The following DNMBP variants were observed in gnomAD, a reference collection of about 807,000 sequenced individuals.
The protein encoded by DNMBP is dynamin-binding protein.
A neutral mutation model predicts 150.0 loss-of-function variants in DNMBP; 87 were observed. That is an observed-to-expected ratio of 0.58 (90% CI 0.49 to 0.69). The LOEUF is 0.69. DNMBP is among the 30% of genes least tolerant of loss of function. The probability of loss-of-function intolerance (pLI) is 0.00; values close to 1 mark genes in which losing one functional copy is unlikely to be tolerated. For missense variants in DNMBP, 1,774 were observed against 1,949.0 expected, an observed-to-expected ratio of 0.91 and a Z score of 1.69; for synonymous variants, 711 against 750.4, an observed-to-expected ratio of 0.95 and a Z score of 0.86.
At chr10:99,961,929 T>C (rs983421721) in intron 3 of DNMBP, among the ~76,000 whole-genome samples, 2 of 149,912 alleles carry the variant, frequency 1.3e-5, no homozygotes, top group Non-Finnish European at 3.0e-5. Flanking sequence ...CTTCTCCAAC[T>C]ATCCAATATT....
intron 4 of DNMBP, 89 bp downstream of exon 4, chr10:99,955,124 TG>T (rs2040469453): frequency 9.3e-7 from 1 of 1,077,280 alleles, no homozygotes; most frequent in Non-Finnish European, 1.4e-6. Flanking sequence ...CCATCGAGGA[TG>T]GTAACATATC....
chr10:99,924,830 G>A (rs1323710142), intron 4 of DNMBP, among the ~76,000 whole-genome samples: 1 of 152,168 alleles, frequency 6.6e-6, no homozygotes, highest in African/African-American at 2.4e-5. Flanking sequence ...GTACTACTTC[G>A]CAAAAGTGCC....
At chr10:99,915,753 G>C (rs1319394004) in intron 4 of DNMBP, among the ~76,000 whole-genome samples, 1 of 152,188 alleles carries the variant, frequency 6.6e-6, no homozygotes. Context: ...GGCACTATGT[G>C]TGTCATGCAC....
At chr10:99,902,017 C>G (rs2039748241) in intron 6 of DNMBP, among the ~76,000 whole-genome samples, 1 of 151,988 alleles carries the variant, frequency 6.6e-6, no homozygotes, top group South Asian at 2.1e-4. Flanking sequence ...ATCCTCCGAC[C>G]TCAGCCTCCT....
chr10:99,915,383 A>C (rs1304020712), intron 4 of DNMBP, among the ~76,000 whole-genome samples: 1 of 144,878 alleles, frequency 6.9e-6, no homozygotes, highest in Non-Finnish European at 1.5e-5. Flanking sequence ...GTACTTTTTA[A>C]CCTCACAGGA....
At chr10:99,948,034 G>T (rs2040377581) in intron 4 of DNMBP, among the ~76,000 whole-genome samples, 2 of 152,134 alleles carry the variant, frequency 1.3e-5, no homozygotes, top group South Asian at 2.1e-4. Context: ...ATGTATGTGT[G>T]GGGGCACGGG....
chr10:99,953,860 T>TA (rs1266360878), intron 4 of DNMBP, among the ~76,000 whole-genome samples: 1 of 151,058 alleles, frequency 6.6e-6, no homozygotes, highest in Admixed American at 6.6e-5. Context: ...ACAGCAAAGA[T>TA]ACAAGATGGA....
At chr10:99,912,319 C>T (rs2039910071) in intron 4 of DNMBP, among the ~76,000 whole-genome samples, 1 of 152,092 alleles carries the variant, frequency 6.6e-6, no homozygotes, top group South Asian at 2.1e-4. Flanking sequence ...TGTGTACTCT[C>T]CTGAGAATCA....
intron 4 of DNMBP, among the ~76,000 whole-genome samples, chr10:99,918,199 C>A (rs943564988): frequency 6.6e-6 from 1 of 151,732 alleles, no homozygotes; most frequent in Non-Finnish European, 1.5e-5. Flanking sequence ...TCTGGCCAGC[C>A]CACCCAACCC....
At chr10:99,964,008 C>T (rs953779626) in intron 3 of DNMBP, among the ~76,000 whole-genome samples, 1 of 151,922 alleles carries the variant, frequency 6.6e-6, no homozygotes, top group African/African-American at 2.4e-5. Flanking sequence ...TTTGAGGGGG[C>T]AGGTTATAGG....
At chr10:99,890,651 G>A (rs992220063) in intron 11 of DNMBP, among the ~76,000 whole-genome samples, 8 of 152,114 alleles carry the variant, frequency 5.3e-5, no homozygotes, top group African/African-American at 1.9e-4. Context: ...CCCCAATTGT[G>A]TGTTTTATTT....
intron 11 of DNMBP, among the ~76,000 whole-genome samples, chr10:99,891,191 C>CCCACCGTCTCCCTCTCTTT: frequency 6.7e-6 from 1 of 149,302 alleles, no homozygotes; most frequent in East Asian, 2.0e-4. Context: ...TCTCCCTCTC[C>CCCACCGTCTCCCTCTCTTT]CCACCGTCTC....
At chr10:100,003,123 G>A (rs552490045) in intron 1 of DNMBP, among the ~76,000 whole-genome samples, 3 of 152,156 alleles carry the variant, frequency 2.0e-5, no homozygotes, top group Admixed American at 6.5e-5. Flanking sequence ...GCCAAGGCAC[G>A]TGGATCACAA....
chr10:99,907,936 A>ACT, intron 6 of DNMBP, 59 bp downstream of exon 6: 1 of 1,296,286 alleles, frequency 7.7e-7, no homozygotes, highest in Non-Finnish European at 1.1e-6. Flanking sequence ...AAGGCCACTT[A>ACT]CTCCTGCCCA....
At chr10:99,947,753 G>A (rs957696060) in intron 4 of DNMBP, among the ~76,000 whole-genome samples, 8 of 152,098 alleles carry the variant, frequency 5.3e-5, no homozygotes, top group Non-Finnish European at 1.0e-4. Flanking sequence ...TCTATTTTAA[G>A]AGTAATTTAA....
rs962969212 is a variant in DNMBP, at chr10:99,884,305, G to A, written c.3799-96C>T. On this transcript the variant is annotated intron_variant, in intron 14 of 16. Transcript: ENST00000324109. Reference sequence around the variant, plus strand: ...GTGGCCAGTCTCAGAAATGAGGCAGGGACAGTCAGTCACTGCCCATCTCAC... The same window carrying A: ...GTGGCCAGTCTCAGAAATGAGGCAGAGACAGTCAGTCACTGCCCATCTCAC... The A allele has an allele frequency of 9.1e-6, 10 of 1,097,902 alleles. No homozygotes were observed. In the Admixed American group the frequency reaches 2.0e-4, roughly 22 times the overall value. 68.0% of individuals were successfully genotyped at this position (1,097,902 alleles called of 1,614,324 possible). A position where few individuals can be genotyped will look rare whatever the true frequency, so the allele number is the denominator to read the frequency against.
At chr10:99,965,514 T>G (rs1025651787) in intron 3 of DNMBP, among the ~76,000 whole-genome samples, 1 of 151,130 alleles carries the variant, frequency 6.6e-6, no homozygotes, top group African/African-American at 2.4e-5. Flanking sequence ...TTTTTTTTTT[T>G]GAGATGGAGT....
intron 3 of DNMBP, 116 bp from the exon 4 acceptor site, chr10:99,957,321 A>T (rs2040512018): frequency 1.1e-6 from 1 of 904,788 alleles, no homozygotes; most frequent in Non-Finnish European, 1.6e-6. Flanking sequence ...AAATACACCT[A>T]GAGCTTTAGG....
At chr10:99,889,171 T>C in intron 11 of DNMBP, 1 of 492,254 alleles carries the variant, frequency 2.0e-6, no homozygotes. Context: ...AACAAAACTG[T>C]TGAGGGCTTT....
Sources: allele counts gnomAD v4.1 joint callset (sites outside exome capture counted in the v4.1 genomes callset), GRCh38; gene constraint gnomAD v4.1.1; transcripts MANE v1.5; gene names NCBI Gene and HGNC (gene_info 2026-07-23, HGNC 2026-07-21).